LGSN: variants seen among roughly 807,000 people sequenced by gnomAD.
LGSN encodes the protein lengsin.
In LGSN, 21 loss-of-function variants were observed where a neutral mutation model predicts 19.5. The ratio of observed to expected loss-of-function variants is 1.07; its 90% confidence interval spans 0.76 to 1.55. The LOEUF (loss-of-function observed/expected upper bound fraction) is 1.55, where lower values mean the gene tolerates loss of function less well. Among genes scored for constraint, LGSN ranks in the 40% most tolerant of loss-of-function variants. The probability of loss-of-function intolerance (pLI) is 0.00; values close to 1 mark genes in which losing one functional copy is unlikely to be tolerated. For synonymous variants in LGSN, 257 were observed against 215.6 expected, an observed-to-expected ratio of 1.19 and a Z score of -1.68; for missense variants, 673 against 608.5, an observed-to-expected ratio of 1.11 and a Z score of -1.12.
chr6:63,378,053 A>G, the LGSN span, among the ~76,000 whole-genome samples: 11 of 150,952 alleles, frequency 7.3e-5, no homozygotes, highest in South Asian at 2.1e-4. Context: ...AAAAAAAAAG[A>G]AAAAGAGACA....
chr6:63,482,002 T>C, the LGSN span: 1 of 154,968 alleles, frequency 6.5e-6, no homozygotes, highest in African/African-American at 2.4e-5. Flanking sequence ...TCTGATTATC[T>C]ACGAAATCTT....
At chr6:63,499,337 C>T in the LGSN span, among the ~76,000 whole-genome samples, 1 of 152,092 alleles carries the variant, frequency 6.6e-6, no homozygotes, top group Non-Finnish European at 1.5e-5. Context: ...TCTGTGCCAG[C>T]TCTGCTAGTT....
the LGSN span, among the ~76,000 whole-genome samples, chr6:63,427,403 T>C: frequency 6.6e-6 from 1 of 152,130 alleles, no homozygotes; most frequent in Non-Finnish European, 1.5e-5. Flanking sequence ...GTCATTGCTA[T>C]ACCTCAAACT....
At chr6:63,521,537 A>G in the LGSN span, among the ~76,000 whole-genome samples, 1 of 152,258 alleles carries the variant, frequency 6.6e-6, no homozygotes, top group Non-Finnish European at 1.5e-5. Context: ...GCTAAATGCC[A>G]TAACTAAGTT....
At chr6:63,306,048 C>CA (rs1349048964) in intron 1 of LGSN, among the ~76,000 whole-genome samples, 4 of 151,992 alleles carry the variant, frequency 2.6e-5, no homozygotes, top group African/African-American at 9.7e-5. Flanking sequence ...GCCTGGGCAA[C>CA]AGAGTGAGAC....
the LGSN span, among the ~76,000 whole-genome samples, chr6:63,325,553 A>T: frequency 2.9e-3 from 448 of 152,282 alleles, 3 homozygotes; most frequent in African/African-American, 0.01. Context: ...TAAATAGAAA[A>T]CCTGAACAAA....
the LGSN span, among the ~76,000 whole-genome samples, chr6:63,452,376 G>A: frequency 6.6e-6 from 1 of 152,084 alleles, no homozygotes; most frequent in Non-Finnish European, 1.5e-5. Flanking sequence ...AGCCTCTGGA[G>A]TTGCTGGGAT....
At chr6:63,488,564 C>T in the LGSN span, among the ~76,000 whole-genome samples, 1 of 152,126 alleles carries the variant, frequency 6.6e-6, no homozygotes, top group East Asian at 1.9e-4. Flanking sequence ...GCTTTCTTTT[C>T]CCAATAATTG....
At chr6:63,483,429 G>T in the LGSN span, among the ~76,000 whole-genome samples, 5 of 150,668 alleles carry the variant, frequency 3.3e-5, no homozygotes, top group Middle Eastern at 3.4e-3. Flanking sequence ...GCAGTGGCCT[G>T]ATCTGGGCTC....
chr6:63,320,222 T>C (rs965278184), upstream of LGSN, among the ~76,000 whole-genome samples: 15 of 152,314 alleles, frequency 9.8e-5, no homozygotes, highest in Non-Finnish European at 1.5e-4. Flanking sequence ...AAAATTGTGT[T>C]GGTTGATTTT....
intron 2 of LGSN, 60 bp from the exon 3 acceptor site, chr6:63,285,813 G>A (rs1767512245): frequency 7.8e-7 from 1 of 1,274,738 alleles, no homozygotes; most frequent in Admixed American, 1.8e-5. Flanking sequence ...GAAGCAAAAG[G>A]AGACTGGAGA....
chr6:63,548,096 G>C, the LGSN span, among the ~76,000 whole-genome samples: 2 of 152,032 alleles, frequency 1.3e-5, no homozygotes, highest in African/African-American at 2.4e-5. Context: ...ACTCAGCTCC[G>C]AGGTCATAAC....
the LGSN span, among the ~76,000 whole-genome samples, chr6:63,495,982 A>T: frequency 4.6e-5 from 7 of 151,818 alleles, no homozygotes; most frequent in Non-Finnish European, 1.0e-4. Context: ...GCTGGAGTGC[A>T]GTGGTGTGAT....
upstream of LGSN, among the ~76,000 whole-genome samples, chr6:63,321,468 G>A (rs1181190083): frequency 6.6e-6 from 1 of 151,984 alleles, no homozygotes; most frequent in Non-Finnish European, 1.5e-5. Context: ...TTTCTCCTGG[G>A]AGTTTTATTG....
At chr6:63,477,467 T>G in the LGSN span, among the ~76,000 whole-genome samples, 1 of 152,084 alleles carries the variant, frequency 6.6e-6, no homozygotes, top group Non-Finnish European at 1.5e-5. Flanking sequence ...TCGTGGCTAA[T>G]AAAGCATTTA....
chr6:63,479,636 A>G, the LGSN span, among the ~76,000 whole-genome samples: 2 of 152,140 alleles, frequency 1.3e-5, no homozygotes, highest in Admixed American at 6.6e-5. Context: ...ACTACTCAGG[A>G]GGCTGAGGCA....
At chr6:63,439,045 TC>T in the LGSN span, among the ~76,000 whole-genome samples, 5 of 152,322 alleles carry the variant, frequency 3.3e-5, no homozygotes, top group East Asian at 7.7e-4. Flanking sequence ...TGAGTTCATA[TC>T]CTTTGTAGGG....
At chr6:63,556,796 C>T in the LGSN span, among the ~76,000 whole-genome samples, 7 of 152,080 alleles carry the variant, frequency 4.6e-5, no homozygotes, top group East Asian at 1.9e-4. Context: ...AGTTGTTAAT[C>T]GACTTTTACA....
chr6:63,276,330 A>G lies in LGSN; in HGVS notation c.*3691T>C, dbSNP rs1767106735. ...ATCATTTCAAGCGTTGTTGTTATTC[A>G]CACACTGTAAAATGAAATTTTAGAT... On this transcript the variant is annotated 3_prime_UTR_variant, in exon 4 of 4. Transcript: ENST00000370657. 1 of 152,234 alleles carries G rather than the reference A, an allele frequency of 6.6e-6. No individual in the cohort carries two copies. Among genetic ancestry groups the G allele is most frequent in the Non-Finnish European group, 1.5e-5 (1 of 68,044 alleles). 9.4% of individuals were successfully genotyped at this position (152,234 alleles called of 1,614,324 possible).
Sources: allele counts gnomAD v4.1 joint callset (sites outside exome capture counted in the v4.1 genomes callset), GRCh38; gene constraint gnomAD v4.1.1; transcripts MANE v1.5; gene names NCBI Gene and HGNC (gene_info 2026-07-23, HGNC 2026-07-21).